HPS4: variants seen among roughly 807,000 people sequenced by gnomAD.
HPS4 encodes BLOC-3 complex member HPS4.
HPS4 carries 44 observed loss-of-function variants against 70.3 expected under a neutral mutation model. That is an observed-to-expected ratio of 0.63 (90% CI 0.49 to 0.80). The LOEUF (loss-of-function observed/expected upper bound fraction) is 0.80, where lower values mean the gene tolerates loss of function less well. HPS4 is among the 30% of genes least tolerant of loss of function. HPS4 has a pLI of 0.00. For synonymous variants in HPS4, 377 were observed against 355.9 expected, an observed-to-expected ratio of 1.06 and a Z score of -0.67; for missense variants, 873 against 884.4, an observed-to-expected ratio of 0.99 and a Z score of 0.16.
At chr22:26,450,709 T>G (rs994997422), downstream of HPS4, among the ~76,000 whole-genome samples, 22 of 152,324 alleles carry the variant, frequency 1.4e-4, no homozygotes, top group Non-Finnish European at 2.6e-4. Flanking sequence ...GCTGTTCTTG[T>G]GACAGTTCTC....
chr22:26,481,715 TACTC>T lies in HPS4; in HGVS notation c.41+3_41+6del. 1 of 1,613,978 alleles carries T rather than the reference TACTC, an allele frequency of 6.2e-7. No homozygotes were observed. The highest frequency in any genetic ancestry group is 8.5e-7 in the Non-Finnish European group (1 of 1,179,782). On this transcript the variant is annotated splice_donor_5th_base_variant and intron_variant, in intron 2 of 13. Coordinates refer to ENST00000398145, the MANE Select transcript of HPS4 (RefSeq NM_022081.6). The stretch of plus-strand genomic sequence containing the variant: ...AAAGCTATGCCATGGCAGGCCTTGT[TACTC>T]ACCACGAGGCTGACTTTGCCTCTGT...
At position 26,453,114 on chromosome 22, in the gene HPS4, T is replaced by G; in HGVS notation, c.*119A>C. ...AGGAATAACAAAAACTCAAATATCA[T>G]TTGGTTCCTAAAAAAGGGAATGTTT... On this transcript the variant is annotated 3_prime_UTR_variant, in exon 14 of 14. Transcript: ENST00000398145. The G allele has an allele frequency of 9.2e-7, 1 of 1,089,394 alleles. No individual in the cohort carries two copies. Among genetic ancestry groups the G allele is most frequent in the Non-Finnish European group, 1.4e-6 (1 of 735,658 alleles). 67.5% of individuals were successfully genotyped at this position (1,089,394 alleles called of 1,614,324 possible). A position where few individuals can be genotyped will look rare whatever the true frequency, so the allele number is the denominator to read the frequency against.
intron 11 of HPS4, among the ~76,000 whole-genome samples, chr22:26,460,557 T>C (rs2087042646): frequency 1.3e-5 from 2 of 152,238 alleles, no homozygotes; most frequent in South Asian, 2.1e-4. Context: ...TGCCAAAAAC[T>C]GTTTCCCCAC....
rs780644636 is a variant in HPS4, at chr22:26,470,701, G to T, written c.596+18C>A. 2 of 1,610,940 alleles carry T rather than the reference G, an allele frequency of 1.2e-6. No individual in the cohort carries two copies. On this transcript the variant is annotated intron_variant, in intron 7 of 13. Transcript: ENST00000398145. ...GCAAGGGAATGGGGCTGGAAGAAAG[G>T]GGTCTGGAGTTACTCACAGTCCTTT...
chr22:26,453,205 T>A lies in HPS4; in HGVS notation c.*28A>T. 1 of 1,611,038 alleles carries A rather than the reference T, an allele frequency of 6.2e-7. No individual in the cohort carries two copies. The highest frequency in any genetic ancestry group is 1.1e-5 in the South Asian group (1 of 91,000). On this transcript the variant is annotated 3_prime_UTR_variant, in exon 14 of 14. Coordinates refer to ENST00000398145, the MANE Select transcript of HPS4 (RefSeq NM_022081.6). ...GGCAGAGCTTCCTTTGCTGGTTTTCTCCTTCCCAGTCACCTCCTGGGTGCA... is the reference window on the plus strand; with the variant it reads ...GGCAGAGCTTCCTTTGCTGGTTTTCACCTTCCCAGTCACCTCCTGGGTGCA...
rs140176900 is a variant in HPS4 at position 26,453,939 on chromosome 22, C to A, written c.1956-535G>T. 7.3e-3 allele frequency: 1,272 copies of A among 174,396 alleles called. 15 individuals are homozygous for A. Among genetic ancestry groups the A allele is most frequent in the African/African-American group, 0.028 (1,175 of 41,992 alleles). 10.8% of individuals were successfully genotyped at this position (174,396 alleles called of 1,614,324 possible). On this transcript the variant is annotated intron_variant, in intron 13 of 13. Coordinates refer to ENST00000398145, the MANE Select transcript of HPS4 (RefSeq NM_022081.6). ...GGATAGACTGAGAGGGAGTGAAGGA[C>A]AGGAGTGGGATGTGACACGAAGTGA... is the stretch of plus-strand genomic sequence containing the variant.
intron 9 of HPS4, 65 bp downstream of exon 9, chr22:26,466,161 G>A (rs1265335049): frequency 6.2e-7 from 1 of 1,610,824 alleles, no homozygotes; most frequent in Non-Finnish European, 8.5e-7. Context: ...CGCATAACTT[G>A]TACAGGGGTA....
At position 26,451,824 on chromosome 22, in the gene HPS4, G is replaced by A. The variant is rs1454276748; in HGVS notation, c.*1409C>T. 1 of 154,382 alleles carries A rather than the reference G, an allele frequency of 6.5e-6. No homozygotes were observed. Among genetic ancestry groups the A allele is most frequent in the Non-Finnish European group, 1.4e-5 (1 of 69,514 alleles). 9.6% of individuals were successfully genotyped at this position (154,382 alleles called of 1,614,324 possible). A position where few individuals can be genotyped will look rare whatever the true frequency, so the allele number is the denominator to read the frequency against. ...GGATCCAAGAGACAGCAGAGATCCT[G>A]GAGAGAGGTGATAGAAGAGGGAGAC... On this transcript the variant is annotated 3_prime_UTR_variant, in exon 14 of 14. Coordinates refer to ENST00000398145, the MANE Select transcript of HPS4 (RefSeq NM_022081.6).
At chr22:26,479,120 G>A in intron 3 of HPS4, 145 bp downstream of exon 3, 1 of 807,832 alleles carries the variant, frequency 1.2e-6, no homozygotes, top group Non-Finnish European at 2.1e-6. Context: ...AGAACAACAA[G>A]AAATAGTACA....
chr22:26,459,745 G>A (rs1272787735), intron 11 of HPS4, among the ~76,000 whole-genome samples: 1 of 152,214 alleles, frequency 6.6e-6, no homozygotes, highest in Non-Finnish European at 1.5e-5. Context: ...TGCAAAATGG[G>A]AACAGTACGG....
At chr22:26,455,604 G>C (rs1235933369) in intron 13 of HPS4, among the ~76,000 whole-genome samples, 1 of 86,130 alleles carries the variant, frequency 1.2e-5, no homozygotes, top group African/African-American at 4.7e-5. Context: ...AGGGGGGAGG[G>C]ATAGCATTAG....
chr22:26,483,607 T>C, intron 1 of HPS4, 67 bp downstream of exon 1: 1 of 270,480 alleles, frequency 3.7e-6, no homozygotes, highest in Non-Finnish European at 6.9e-6. Context: ...TTAGGCGGGG[T>C]CGGGTCACGC....
At chr22:26,477,558 C>A (rs1296192646) in intron 3 of HPS4, among the ~76,000 whole-genome samples, 1 of 152,180 alleles carries the variant, frequency 6.6e-6, no homozygotes, top group African/African-American at 2.4e-5. Flanking sequence ...TTAACCCCAA[C>A]TATCCATGTC....
At chr22:26,468,418 A>T in intron 8 of HPS4, 133 bp downstream of exon 8, 2 of 763,214 alleles carry the variant, frequency 2.6e-6, no homozygotes, top group Non-Finnish European at 2.3e-6. Flanking sequence ...ATGACATTGG[A>T]GGACTTGGGG....
chr22:26,479,129 C>T, intron 3 of HPS4, 136 bp downstream of exon 3: 1 of 851,300 alleles, frequency 1.2e-6, no homozygotes, highest in African/African-American at 1.7e-5. Flanking sequence ...AGAAATAGTA[C>T]AACTAAGAAT....
At position 26,452,333 on chromosome 22, in the gene HPS4, T is replaced by A. The variant is rs1177603555; in HGVS notation, c.*900A>T. On this transcript the variant is annotated 3_prime_UTR_variant, in exon 14 of 14. Coordinates refer to ENST00000398145, the MANE Select transcript of HPS4 (RefSeq NM_022081.6). The stretch of plus-strand genomic sequence containing the variant: ...ATGTCTGACTATAACGTAATAGAAC[T>A]GAGGTTCTAAGTACCACACAAGCCC... The A allele has an allele frequency of 1.5e-5, 7 of 456,748 alleles. No homozygotes were observed. The East Asian group carries it at 4.9e-4, about 32-fold the overall frequency. 28.3% of individuals were successfully genotyped at this position (456,748 alleles called of 1,614,324 possible). A position where few individuals can be genotyped will look rare whatever the true frequency, so the allele number is the denominator to read the frequency against.
Position 26,455,004 on chromosome 22 carries a change from G to A in HPS4, c.1956-1600C>T, listed in dbSNP as rs2085843114. On this transcript the variant is annotated intron_variant, in intron 13 of 13. Coordinates refer to ENST00000398145, the MANE Select transcript of HPS4 (RefSeq NM_022081.6). ...AAATGCTCATCATCACTGGCCATCA[G>A]AGCAATGCAAATCAAAACCACAATG... Among the ~76,000 whole-genome samples, 5 of 152,214 alleles carry A rather than the reference G, an allele frequency of 3.3e-5. No homozygotes were observed. The South Asian group carries it at 1.0e-3, about 32-fold the overall frequency.
At chr22:26,479,647 A>C in intron 2 of HPS4, 5 of 1,277,808 alleles carry the variant, frequency 3.9e-6, no homozygotes, top group Non-Finnish European at 5.0e-6. Flanking sequence ...CTCTTATTTG[A>C]AACACTGAAC....
chr22:26,462,208 A>T (rs1474745364), intron 11 of HPS4, among the ~76,000 whole-genome samples: 1 of 152,176 alleles, frequency 6.6e-6, no homozygotes, highest in Non-Finnish European at 1.5e-5. Context: ...CCTAGCCAGC[A>T]TCAAACCCTG....
Sources: gnomAD v4.1 joint callset for allele counts (sites outside exome capture counted in the v4.1 genomes callset) on GRCh38, gnomAD v4.1.1 for gene constraint, MANE v1.5 for transcripts, NCBI Gene and HGNC (gene_info 2026-07-23, HGNC 2026-07-21) for gene names.